PAPPA: variants seen among roughly 807,000 people sequenced by gnomAD.
PAPPA encodes pappalysin-1.
A neutral mutation model predicts 164.0 loss-of-function variants in PAPPA; 60 were observed. The observed-to-expected ratio is 0.37, with a 90% CI of 0.30 to 0.45. PAPPA has a LOEUF of 0.45. Ranked by LOEUF, PAPPA falls within the 20% of genes least tolerant of loss-of-function variation. PAPPA has a pLI of 1.00. For synonymous variants in PAPPA, 875 were observed against 814.1 expected (o/e 1.07, Z -1.27); for missense variants, 1,782 against 2,087.3 (o/e 0.85, Z 2.85).
chr9:116,312,590 G>A (rs79972100), intron 10 of PAPPA, among the ~76,000 whole-genome samples: 1,862 of 152,198 alleles, frequency 0.012, 34 homozygotes, highest in African/African-American at 0.041. Flanking sequence ...GTGAGTTAGA[G>A]TTTGGCTGTG....
intron 9 of PAPPA, among the ~76,000 whole-genome samples, chr9:116,281,428 G>A (rs1205804566): frequency 6.6e-6 from 1 of 152,048 alleles, no homozygotes; most frequent in African/African-American, 2.4e-5. Context: ...TACCCTTAAG[G>A]GAAGAAGCCT....
intron 6 of PAPPA, among the ~76,000 whole-genome samples, chr9:116,228,543 G>A (rs1369047528): frequency 1.3e-5 from 2 of 152,208 alleles, no homozygotes; most frequent in African/African-American, 4.8e-5. Context: ...AAGGATCAGA[G>A]AGGAAAGTGA....
intron 1 of PAPPA, among the ~76,000 whole-genome samples, chr9:116,180,488 A>G (rs1170053754): frequency 6.6e-6 from 1 of 152,188 alleles, no homozygotes; most frequent in Non-Finnish European, 1.5e-5. Context: ...TGTGCTTAGT[A>G]AAGAGACTAC....
rs79308683 is a variant in PAPPA, at chr9:116,264,282, C to T, written c.2733-1575C>T. Among the ~76,000 whole-genome samples the T allele has an allele frequency of 2.7e-4, 41 of 152,182 alleles. No individual in the cohort carries two copies. In the East Asian group the frequency reaches 4.0e-3, roughly 15 times the overall value. On this transcript the variant is annotated intron_variant, in intron 7 of 21. Coordinates refer to ENST00000328252, the MANE Select transcript of PAPPA (RefSeq NM_002581.5). ...ATAATTCTATCAACAAATTAGGATT[C>T]GAGGTTTACAAAACAACCATCACTC...
In PAPPA at chr9:116,396,775, T is replaced by C; in HGVS notation, c.*159T>C. The C allele has an allele frequency of 1.7e-6, 1 of 596,208 alleles. No individual in the cohort carries two copies. The allele number at this position is 596,208 out of a possible 1,614,324, so 36.9% of individuals were successfully genotyped here. ...AATTTTACCCAGGAAGGACTCACAT[T>C]GGGGCGAATGAACCAAGTTTCGCCA... On this transcript the variant is annotated 3_prime_UTR_variant, in exon 22 of 22. Coordinates refer to ENST00000328252, the MANE Select transcript of PAPPA (RefSeq NM_002581.5).
chr9:116,188,669 A>C (rs1433702498), intron 2 of PAPPA, among the ~76,000 whole-genome samples: 1 of 152,202 alleles, frequency 6.6e-6, no homozygotes, highest in Admixed American at 6.5e-5. Flanking sequence ...CTCTAGCCAC[A>C]TGGGACTAGT....
Position 116,396,807 on chromosome 9 carries a change from A to C in PAPPA, c.*191A>C. On this transcript the variant is annotated 3_prime_UTR_variant, in exon 22 of 22. Transcript: ENST00000328252. The stretch of plus-strand genomic sequence containing the variant: ...AATGAACCAAGTTTCGCCATGCTGG[A>C]TGATGAAATGGATTCCCATCCCAAA... 1.7e-6 allele frequency: 1 copy of C among 585,916 alleles called. No individual in the cohort carries two copies. Among genetic ancestry groups the C allele is most frequent in the Non-Finnish European group, 3.1e-6 (1 of 327,724 alleles). The allele number at this position is 585,916 out of a possible 1,614,324, so 36.3% of individuals were successfully genotyped here. A position where few individuals can be genotyped will look rare whatever the true frequency, so the allele number is the denominator to read the frequency against.
intron 1 of PAPPA, among the ~76,000 whole-genome samples, chr9:116,160,363 G>A (rs1323673394): frequency 6.6e-6 from 1 of 152,032 alleles, no homozygotes; most frequent in African/African-American, 2.4e-5. Flanking sequence ...CATCTTTACA[G>A]GAGGCACCTG....
chr9:116,154,190 G>C lies in PAPPA; in HGVS notation c.18G>C (p.Trp6Cys). 2.0e-6 allele frequency: 3 copies of C among 1,485,772 alleles called. No individual in the cohort carries two copies. The highest frequency in any genetic ancestry group is 2.8e-5 in the East Asian group (1 of 35,784). 92.0% of individuals were successfully genotyped at this position (1,485,772 alleles called of 1,614,324 possible). The change falls in exon 1 of 22, where the codon TGG becomes TGC. Residue 6 changes from tryptophan (W) to cysteine (C), a missense_variant. By Grantham distance (215) the Trp-to-Cys change is radical. Transcript: ENST00000328252. This position sits in a 1 kb window ranked among gnomAD's most constrained non-coding sequence, Gnocchi z 5.2. ...CGTCGGACATGCGGCTCTGGAGTTG[G>C]GTGCTGCACCTGGGGCTGCTGAGCG... MRLWS[W>C]VLHLGLLSAA...
intron 9 of PAPPA, among the ~76,000 whole-genome samples, chr9:116,294,537 T>C (rs750866357): frequency 1.3e-5 from 2 of 152,198 alleles, no homozygotes; most frequent in Non-Finnish European, 2.9e-5. Flanking sequence ...GTCAAGATAT[T>C]TCTGTCCCAG....
intron 7 of PAPPA, among the ~76,000 whole-genome samples, chr9:116,251,346 G>A (rs1844857755): frequency 6.6e-6 from 1 of 152,178 alleles, no homozygotes; most frequent in African/African-American, 2.4e-5. Context: ...GGAAGGGTAA[G>A]GGGAGAGAAG....
At position 116,313,906 on chromosome 9, in the gene PAPPA, C is replaced by CAA. The variant is rs1409871182; in HGVS notation, c.3147+10956_3147+10957insAA. On this transcript the variant is annotated intron_variant, in intron 10 of 21. Coordinates refer to ENST00000328252, the MANE Select transcript of PAPPA (RefSeq NM_002581.5). The stretch of plus-strand genomic sequence containing the variant: ...TTGAGATCTCGAGCAACTTAATTAG[C>CAA]CTCTCTGTGCCTTAGTCCTCTCATC... Among the ~76,000 whole-genome samples the CAA allele has an allele frequency of 4.6e-5, 7 of 152,148 alleles. No homozygotes were observed. The East Asian group carries it at 1.4e-3, about 29-fold the overall frequency.
rs973404832 is a variant in PAPPA, at chr9:116,277,822, G to A, written c.2953+6406G>A. Among the ~76,000 whole-genome samples the A allele has an allele frequency of 1.3e-4, 20 of 152,120 alleles. No homozygotes were observed. In the East Asian group the frequency reaches 1.9e-3, roughly 15 times the overall value. On this transcript the variant is annotated intron_variant, in intron 9 of 21. Coordinates refer to ENST00000328252, the MANE Select transcript of PAPPA (RefSeq NM_002581.5). ...CTCCTGAGTAGCTGGGATTACAGGC[G>A]CGTGCCACCACACCCAGCTACTTTT...
At chr9:116,363,080 CTG>C (rs1341388096) in intron 18 of PAPPA, among the ~76,000 whole-genome samples, 1 of 152,200 alleles carries the variant, frequency 6.6e-6, no homozygotes, top group Non-Finnish European at 1.5e-5. Flanking sequence ...AGAAGAAACT[CTG>C]TGGCTGAGGA....
intron 7 of PAPPA, among the ~76,000 whole-genome samples, chr9:116,244,037 C>T (rs970664967): frequency 6.6e-6 from 1 of 152,134 alleles, no homozygotes; most frequent in Non-Finnish European, 1.5e-5. Flanking sequence ...TTCTGGAAAC[C>T]AGGCATTATC....
intron 7 of PAPPA, among the ~76,000 whole-genome samples, chr9:116,249,624 A>G (rs1027160867): frequency 2.0e-5 from 3 of 152,192 alleles, no homozygotes; most frequent in Non-Finnish European, 4.4e-5. Context: ...ACTGAAGTAG[A>G]TGATGGCACT....
intron 2 of PAPPA, among the ~76,000 whole-genome samples, chr9:116,197,108 G>A (rs1381282809): frequency 1.3e-5 from 2 of 152,192 alleles, no homozygotes; most frequent in South Asian, 2.1e-4. Context: ...CCAGCATGAA[G>A]TATGACACTT....
intron 1 of PAPPA, among the ~76,000 whole-genome samples, chr9:116,164,850 C>G (rs1332101146): frequency 6.6e-6 from 1 of 152,156 alleles, no homozygotes; most frequent in African/African-American, 2.4e-5. Context: ...AGGCAGAAAA[C>G]ATAAAACATT....
At chr9:116,336,371 G>C (rs552439695) in intron 13 of PAPPA, among the ~76,000 whole-genome samples, 2 of 152,158 alleles carry the variant, frequency 1.3e-5, no homozygotes, top group Non-Finnish European at 2.9e-5. Flanking sequence ...AAAGTCTGTC[G>C]TAATCTTTCA....
Sources: allele counts gnomAD v4.1 joint callset (sites outside exome capture counted in the v4.1 genomes callset), GRCh38; gene constraint gnomAD v4.1.1; non-coding constraint Gnocchi (gnomAD v3.1); transcripts MANE v1.5; gene names NCBI Gene and HGNC (gene_info 2026-07-23, HGNC 2026-07-21).